The following PCDH9 variants were observed in gnomAD, a reference collection of about 807,000 sequenced individuals.
The protein encoded by PCDH9 is protocadherin-9.
A neutral mutation model predicts 70.6 loss-of-function variants in PCDH9; 24 were observed. The ratio of observed to expected loss-of-function variants is 0.34; its 90% CI spans 0.25 to 0.48. The LOEUF is 0.48. Among genes scored for constraint, PCDH9 ranks in the 20% least tolerant of loss-of-function variants. The pLI is 0.99. For missense variants in PCDH9, 1,281 were observed against 1,503.6 expected (o/e 0.85, Z 2.45); for synonymous variants, 562 against 558.5 (o/e 1.01, Z -0.09).
intron 3 of PCDH9, among the ~76,000 whole-genome samples, chr13:66,770,048 A>C (rs1180820800): frequency 6.6e-6 from 1 of 152,178 alleles, no homozygotes; most frequent in African/African-American, 2.4e-5. Flanking sequence ...GAAGTGGAAA[A>C]TTGAGAGTCA....
chr13:67,036,728 T>G (rs2085016554), intron 2 of PCDH9, among the ~76,000 whole-genome samples: 1 of 152,192 alleles, frequency 6.6e-6, no homozygotes, highest in Admixed American at 6.6e-5. Flanking sequence ...TCCTCTTCTG[T>G]GCAGACAGCA....
intron 3 of PCDH9, among the ~76,000 whole-genome samples, chr13:66,697,032 T>A (rs1312332617): frequency 6.6e-6 from 1 of 151,970 alleles, no homozygotes; most frequent in East Asian, 1.9e-4. Flanking sequence ...CAGGAGTTTG[T>A]GGCTGCAGTG....
intron 3 of PCDH9, among the ~76,000 whole-genome samples, chr13:66,848,739 T>C (rs1251093123): frequency 2.0e-5 from 3 of 151,782 alleles, no homozygotes; most frequent in African/African-American, 7.3e-5. Context: ...CCATCCTGGC[T>C]AACACGGTGA....
intron 3 of PCDH9, among the ~76,000 whole-genome samples, chr13:66,783,640 A>G (rs1381537914): frequency 6.6e-6 from 1 of 152,216 alleles, no homozygotes; most frequent in Admixed American, 6.6e-5. Flanking sequence ...TTTACAAAAC[A>G]CACAAAAAAC....
chr13:66,375,882 ATAAT>A (rs895128326), intron 4 of PCDH9, among the ~76,000 whole-genome samples: 1 of 152,108 alleles, frequency 6.6e-6, no homozygotes, highest in Non-Finnish European at 1.5e-5. Flanking sequence ...GCTTCACGAG[ATAAT>A]TAAAGCAAAA....
At chr13:66,346,507 C>T (rs114611380) in intron 4 of PCDH9, among the ~76,000 whole-genome samples, 53 of 152,248 alleles carry the variant, frequency 3.5e-4, no homozygotes, top group African/African-American at 1.2e-3. Context: ...GGTGCAGAGG[C>T]TTATTTTGTG....
intron 2 of PCDH9, among the ~76,000 whole-genome samples, chr13:67,014,415 G>GA (rs1035277943): frequency 2.0e-5 from 3 of 152,004 alleles, no homozygotes; most frequent in Non-Finnish European, 2.9e-5. Flanking sequence ...TCACTTGTAA[G>GA]AAAAAATTGG....
rs995450188 is a variant in PCDH9, at chr13:67,227,092, T to C, written c.1349A>G (p.Asn450Ser). The change falls in exon 2 of 5, where the codon AAT (asparagine) becomes AGT (serine). Residue 450 changes from asparagine (N) to serine (S), a missense_variant. This residue lies in a region of PCDH9 where 798 missense variants were observed against 1,003.1 expected (regional missense o/e 0.80). Coordinates refer to ENST00000377865, the MANE Select transcript of PCDH9 (RefSeq NM_203487.3). The surrounding 1 kb of genome is among the most constrained non-coding windows in gnomAD (Gnocchi z 4.6). Reference protein sequence around the residue: ...VASDSGKPSLNQTALVRVKLE... With the variant: ...VASDSGKPSLSQTALVRVKLE... ...CTTAACCCTTACCAGGGCAGTCTGA[T>C]TTAAACTGGGCTTCCCAGAATCAGA... 6.2e-7 allele frequency: 1 copy of C among 1,614,074 alleles called. No individual in the cohort carries two copies. Among genetic ancestry groups the C allele is most frequent in the African/African-American group, 1.3e-5 (1 of 74,926 alleles).
intron 4 of PCDH9, among the ~76,000 whole-genome samples, chr13:66,491,034 T>C (rs973751554): frequency 4.6e-5 from 7 of 152,206 alleles, no homozygotes; most frequent in Admixed American, 6.6e-5. Context: ...GATTGATATA[T>C]ACATTATTTA....
At chr13:66,568,582 G>GCCAACTCCTTTTT (rs71303721) in intron 4 of PCDH9, among the ~76,000 whole-genome samples, 1 of 150,108 alleles carries the variant, frequency 6.7e-6, no homozygotes, top group East Asian at 2.0e-4. Context: ...TGAGGTGGAA[G>GCCAACTCCTTTTT]GATAGCTTGA....
intron 2 of PCDH9, among the ~76,000 whole-genome samples, chr13:67,180,252 A>C (rs2088580490): frequency 6.6e-6 from 1 of 152,196 alleles, no homozygotes; most frequent in South Asian, 2.1e-4. Flanking sequence ...AAATGAAAGA[A>C]TAGACTGGCT....
intron 2 of PCDH9, among the ~76,000 whole-genome samples, chr13:66,910,564 GA>G (rs995517550): frequency 1.3e-5 from 2 of 152,198 alleles, no homozygotes; most frequent in South Asian, 2.1e-4. Context: ...GAGGATTGGG[GA>G]AAAAATGCTA....
intron 4 of PCDH9, among the ~76,000 whole-genome samples, chr13:66,558,015 C>T (rs1266311178): frequency 2.0e-5 from 3 of 151,986 alleles, no homozygotes; most frequent in African/African-American, 7.2e-5. Flanking sequence ...AATTACCAGA[C>T]GTAGGGGTGT....
intron 2 of PCDH9, among the ~76,000 whole-genome samples, chr13:67,115,145 A>G (rs1388616679): frequency 1.3e-5 from 2 of 152,192 alleles, no homozygotes; most frequent in South Asian, 2.1e-4. Context: ...TCCATTAACT[A>G]TAGGTAAATG....
At chr13:66,341,765 G>C (rs1378026426) in intron 4 of PCDH9, among the ~76,000 whole-genome samples, 1 of 152,090 alleles carries the variant, frequency 6.6e-6, no homozygotes, top group Non-Finnish European at 1.5e-5. Context: ...CAGGACTTTT[G>C]TATAGCAATG....
Position 67,067,741 on chromosome 13 carries a change from T to TG in PCDH9, c.3036+157663dup, listed in dbSNP as rs894630304. Among the ~76,000 whole-genome samples, 6 of 138,414 alleles carry TG rather than the reference T, an allele frequency of 4.3e-5. No homozygotes were observed. In the Admixed American group the frequency reaches 4.4e-4, roughly 10 times the overall value. The allele number at this position is 138,414 out of a possible 152,430, so 90.8% of individuals were successfully genotyped here. A position where few individuals can be genotyped will look rare whatever the true frequency, so the allele number is the denominator to read the frequency against. The stretch of plus-strand genomic sequence containing the variant: ...AAGTCACTGATATAAGTAAAGAATT[T>TG]GGGGGGTTCAAATGTTGATCATCGT... On this transcript the variant is annotated intron_variant, in intron 2 of 4. Transcript: ENST00000377865.
intron 4 of PCDH9, among the ~76,000 whole-genome samples, chr13:66,583,878 C>T (rs2076928531): frequency 6.6e-6 from 1 of 152,102 alleles, no homozygotes; most frequent in South Asian, 2.1e-4. Context: ...CTATCATTAT[C>T]ATTTTTTTAA....
At chr13:66,697,852 T>C (rs1435770368) in intron 3 of PCDH9, among the ~76,000 whole-genome samples, 1 of 152,214 alleles carries the variant, frequency 6.6e-6, no homozygotes. Flanking sequence ...TTATTTACAA[T>C]AGCCAAAAGC....
intron 4 of PCDH9, among the ~76,000 whole-genome samples, chr13:66,389,849 T>C (rs1167545770): frequency 6.6e-6 from 1 of 152,156 alleles, no homozygotes; most frequent in East Asian, 1.9e-4. Context: ...TTGCCTCAAC[T>C]AAAAAAAGTA....
Sources: gnomAD v4.1 joint callset for allele counts (sites outside exome capture counted in the v4.1 genomes callset) on GRCh38, gnomAD v4.1.1 for gene constraint, gnomAD v4.1.1 regional missense constraint, Gnocchi (gnomAD v3.1) non-coding constraint, MANE v1.5 for transcripts, NCBI Gene and HGNC (gene_info 2026-07-23, HGNC 2026-07-21) for gene names.